MAGI2: variants seen among roughly 807,000 people sequenced by gnomAD.
MAGI2 encodes the protein membrane-associated guanylate kinase, WW and PDZ domain-containing protein 2.
Under a neutral mutation model 133.3 loss-of-function variants are expected in MAGI2, and 35 were observed. That is an observed-to-expected ratio of 0.26 (90% confidence interval 0.20 to 0.35). The LOEUF is 0.35. Among genes scored for constraint, MAGI2 ranks in the 10% least tolerant of loss-of-function variants. The pLI is 1.00. For synonymous variants in MAGI2, 729 were observed against 710.6 expected, an observed-to-expected ratio of 1.03 and a Z score of -0.41; for missense variants, 1,636 against 1,863.4, an observed-to-expected ratio of 0.88 and a Z score of 2.25.
At chr7:78,123,192 T>C (rs969523802) in intron 20 of MAGI2, among the ~76,000 whole-genome samples, 8 of 152,200 alleles carry the variant, frequency 5.3e-5, no homozygotes, top group Admixed American at 2.6e-4. Flanking sequence ...TATTCAACTT[T>C]TAATACATCA....
At chr7:78,750,066 G>T (rs1823304098) in intron 2 of MAGI2, among the ~76,000 whole-genome samples, 1 of 152,058 alleles carries the variant, frequency 6.6e-6, no homozygotes, top group African/African-American at 2.4e-5. Flanking sequence ...GGTATGTGAT[G>T]TTCCCCTCCC....
At chr7:78,740,728 C>T (rs1254561556) in intron 2 of MAGI2, among the ~76,000 whole-genome samples, 1 of 152,034 alleles carries the variant, frequency 6.6e-6, no homozygotes, top group Non-Finnish European at 1.5e-5. Context: ...CAAAGTATAC[C>T]TAATTATGTT....
intron 2 of MAGI2, among the ~76,000 whole-genome samples, chr7:78,693,405 A>G (rs770233355): frequency 1.3e-5 from 2 of 152,152 alleles, no homozygotes; most frequent in East Asian, 3.9e-4. Flanking sequence ...AAATATTCTT[A>G]CGATGTGTAC....
intron 1 of MAGI2, among the ~76,000 whole-genome samples, chr7:79,265,637 C>T (rs754433598): frequency 3.3e-5 from 5 of 151,978 alleles, no homozygotes; most frequent in Non-Finnish European, 5.9e-5. Context: ...TTGAATGTTA[C>T]GTTTTAAAGA....
At chr7:78,304,232 T>C (rs1413167260) in intron 9 of MAGI2, among the ~76,000 whole-genome samples, 1 of 152,192 alleles carries the variant, frequency 6.6e-6, no homozygotes, top group Non-Finnish European at 1.5e-5. Flanking sequence ...TCCACAGCTT[T>C]CCAGCTCACT....
At chr7:79,165,983 T>C (rs1400996798) in intron 1 of MAGI2, among the ~76,000 whole-genome samples, 1 of 152,116 alleles carries the variant, frequency 6.6e-6, no homozygotes, top group African/African-American at 2.4e-5. Flanking sequence ...TGCTTGATTA[T>C]TAGAACAGAC....
intron 1 of MAGI2, among the ~76,000 whole-genome samples, chr7:79,138,903 G>A (rs2129546016): frequency 6.6e-6 from 1 of 151,318 alleles, no homozygotes; most frequent in Middle Eastern, 3.4e-3. Flanking sequence ...GTGAACCCGG[G>A]AGGCGGAGCT....
At chr7:78,244,508 G>A (rs1346136588) in intron 10 of MAGI2, among the ~76,000 whole-genome samples, 1 of 152,072 alleles carries the variant, frequency 6.6e-6, no homozygotes, top group Non-Finnish European at 1.5e-5. Flanking sequence ...ATATCTGCAA[G>A]GAATAGATAA....
intron 2 of MAGI2, among the ~76,000 whole-genome samples, chr7:78,767,963 G>A (rs1260868573): frequency 1.3e-5 from 2 of 152,080 alleles, no homozygotes; most frequent in Non-Finnish European, 2.9e-5. Flanking sequence ...GTTATTTCTG[G>A]ATGTTCTCAT....
intron 1 of MAGI2, among the ~76,000 whole-genome samples, chr7:79,346,246 A>G (rs1428854680): frequency 6.6e-6 from 1 of 152,030 alleles, no homozygotes; most frequent in Non-Finnish European, 1.5e-5. Flanking sequence ...GAAATCACTT[A>G]TTAAAACAAG....
intron 3 of MAGI2, among the ~76,000 whole-genome samples, chr7:78,620,419 C>G (rs116986112): frequency 3.5e-4 from 54 of 152,128 alleles, no homozygotes; most frequent in Admixed American, 7.2e-4. Context: ...CTTCTGTCAT[C>G]ATAGCAGTGT....
intron 2 of MAGI2, among the ~76,000 whole-genome samples, chr7:78,971,328 G>A (rs567530808): frequency 1.1e-4 from 17 of 151,924 alleles, no homozygotes; most frequent in African/African-American, 3.9e-4. Flanking sequence ...AAGCAATTGG[G>A]AATAAAAATA....
intron 1 of MAGI2, among the ~76,000 whole-genome samples, chr7:79,305,799 T>C (rs983835605): frequency 4.6e-5 from 7 of 152,056 alleles, no homozygotes; most frequent in Admixed American, 2.6e-4. Context: ...CACATGCCTA[T>C]AGTCCCAGCT....
chr7:78,244,455 A>G (rs1791543764), intron 10 of MAGI2, among the ~76,000 whole-genome samples: 1 of 152,050 alleles, frequency 6.6e-6, no homozygotes, highest in Non-Finnish European at 1.5e-5. Flanking sequence ...ACAAAAAACA[A>G]AACCTAACAC....
intron 3 of MAGI2, 93 bp from the exon 4 acceptor site, chr7:78,521,738 A>G (rs1171324963): frequency 4.9e-6 from 5 of 1,025,040 alleles, no homozygotes; most frequent in Non-Finnish European, 7.5e-6. Flanking sequence ...ACACATTTTT[A>G]TCCTATTTTA....
intron 20 of MAGI2, among the ~76,000 whole-genome samples, chr7:78,118,535 G>A (rs1446186145): frequency 1.3e-5 from 2 of 152,086 alleles, no homozygotes; most frequent in East Asian, 3.8e-4. Context: ...TAAAAAGTGG[G>A]CCAAACACCT....
intron 3 of MAGI2, among the ~76,000 whole-genome samples, chr7:78,593,931 G>A (rs955726808): frequency 3.3e-5 from 5 of 152,174 alleles, no homozygotes; most frequent in African/African-American, 1.2e-4. Flanking sequence ...TAGGGAAGCT[G>A]CTCTTGTTAA....
At chr7:78,414,380 TAC>T (rs1481699143) in intron 6 of MAGI2, among the ~76,000 whole-genome samples, 3 of 151,856 alleles carry the variant, frequency 2.0e-5, no homozygotes, top group Non-Finnish European at 4.4e-5. Context: ...CATGAAAAAA[TAC>T]ATATACAGAG....
chr7:79,337,903 A>G lies in MAGI2; in HGVS notation c.301+115117T>C, dbSNP rs538192304. Among the ~76,000 whole-genome samples the G allele has an allele frequency of 2.0e-5, 3 of 152,184 alleles. No homozygotes were observed. In the South Asian group the frequency reaches 6.2e-4, roughly 32 times the overall value. The stretch of plus-strand genomic sequence containing the variant: ...GACATCCGTGTATGCTTGCTTCAGC[A>G]TTGCCACCATGCTGAGCTGCATGCA... On this transcript the variant is annotated intron_variant, in intron 1 of 21. Coordinates refer to ENST00000354212, the MANE Select transcript of MAGI2 (RefSeq NM_012301.4).
Sources: gnomAD v4.1 joint callset for allele counts (sites outside exome capture counted in the v4.1 genomes callset) on GRCh38, gnomAD v4.1.1 for gene constraint, MANE v1.5 for transcripts, NCBI Gene and HGNC (gene_info 2026-07-23, HGNC 2026-07-21) for gene names.